REEP5: variants seen among roughly 807,000 people sequenced by gnomAD.
The protein encoded by REEP5 is receptor expression-enhancing protein 5.
Under a neutral mutation model 22.4 loss-of-function variants are expected in REEP5, and 24 were observed. The ratio of observed to expected loss-of-function variants is 1.07; its 90% confidence interval spans 0.78 to 1.51. REEP5 has a LOEUF of 1.51. Among genes scored for constraint, REEP5 ranks in the 40% most tolerant of loss-of-function variants. REEP5 has a pLI of 0.00. For synonymous variants in REEP5, 103 were observed against 88.6 expected, an observed-to-expected ratio of 1.16 and a Z score of -0.92; for missense variants, 252 against 233.0, an observed-to-expected ratio of 1.08 and a Z score of -0.53.
chr5:112,878,961 A>G (rs1422871910), intron 4 of REEP5, 126 bp from the exon 5 acceptor site: 4 of 1,453,458 alleles, frequency 2.8e-6, no homozygotes, highest in Middle Eastern at 1.8e-4. Context: ...TTCAGGTGCG[A>G]TCATGTTGGG....
At chr5:112,910,208 C>T (rs1348833776) in intron 2 of REEP5, among the ~76,000 whole-genome samples, 1 of 152,148 alleles carries the variant, frequency 6.6e-6, no homozygotes, top group African/African-American at 2.4e-5. Flanking sequence ...GAGGCTGAAG[C>T]AGGAGAATTA....
chr5:112,910,529 T>C (rs1769075853), intron 2 of REEP5, among the ~76,000 whole-genome samples: 1 of 152,228 alleles, frequency 6.6e-6, no homozygotes, highest in Non-Finnish European at 1.5e-5. Context: ...TTTTTAAAAC[T>C]ATTTTATTAC....
chr5:112,891,917 TAAA>T (rs1394112798), intron 3 of REEP5: 1 of 1,301,776 alleles, frequency 7.7e-7, no homozygotes, highest in Admixed American at 1.7e-5. Context: ...GAATTCAGAA[TAAA>T]GAAGGAAAAG....
chr5:112,918,534 T>C (rs1769280621), intron 2 of REEP5, among the ~76,000 whole-genome samples: 1 of 152,146 alleles, frequency 6.6e-6, no homozygotes, highest in Non-Finnish European at 1.5e-5. Context: ...AGAGAAAGGC[T>C]GAAAGGTGAG....
In REEP5 at chr5:112,877,260, T is replaced by C. The variant is rs886275163; in HGVS notation, c.*1526A>G. On this transcript the variant is annotated 3_prime_UTR_variant, in exon 5 of 5. Coordinates refer to ENST00000379638, the MANE Select transcript of REEP5 (RefSeq NM_005669.5). The stretch of plus-strand genomic sequence containing the variant: ...TTTTTTACATCATGAGACATTGTTA[T>C]GATCTTACCTGATTGTTATCTCAAG... The C allele has an allele frequency of 6.6e-6, 1 of 152,232 alleles. No individual in the cohort carries two copies. Among genetic ancestry groups the C allele is most frequent in the African/African-American group, 2.4e-5 (1 of 41,468 alleles). The allele number at this position is 152,232 out of a possible 1,614,324, so 9.4% of individuals were successfully genotyped here.
chr5:112,900,186 A>G (rs986064627), intron 3 of REEP5, among the ~76,000 whole-genome samples: 2 of 151,614 alleles, frequency 1.3e-5, no homozygotes, highest in Admixed American at 6.6e-5. Flanking sequence ...ACCTTTTCCC[A>G]TTTTCTTTTT....
At chr5:112,882,764 C>T (rs1282918451) in intron 4 of REEP5, among the ~76,000 whole-genome samples, 1 of 152,114 alleles carries the variant, frequency 6.6e-6, no homozygotes, top group African/African-American at 2.4e-5. Flanking sequence ...GTTATCTGGC[C>T]CTTTACAGAA....
intron 3 of REEP5, among the ~76,000 whole-genome samples, chr5:112,900,731 C>T (rs563694312): frequency 2.0e-5 from 3 of 152,112 alleles, no homozygotes; most frequent in Non-Finnish European, 2.9e-5. Flanking sequence ...CTTACTAGTA[C>T]TAGCATGGAC....
At chr5:112,915,457 T>C (rs1044332726) in intron 2 of REEP5, among the ~76,000 whole-genome samples, 1 of 152,252 alleles carries the variant, frequency 6.6e-6, no homozygotes, top group Admixed American at 6.5e-5. Flanking sequence ...TTATTACTTT[T>C]TCATTTCTCC....
chr5:112,911,596 T>TA (rs1376763926), intron 2 of REEP5, among the ~76,000 whole-genome samples: 2 of 152,376 alleles, frequency 1.3e-5, no homozygotes, highest in Non-Finnish European at 2.9e-5. Flanking sequence ...ATTTTGTTCT[T>TA]ACCATGCAAA....
chr5:112,921,277 A>G, intron 1 of REEP5, 21 bp from the exon 2 acceptor site: 2 of 1,612,470 alleles, frequency 1.2e-6, no homozygotes, highest in Non-Finnish European at 1.7e-6. Context: ...CAAGGAGAGA[A>G]GTGGGTCGGG....
In REEP5 at chr5:112,878,428, G is replaced by A. The variant is rs1007592022; in HGVS notation, c.*358C>T. On this transcript the variant is annotated 3_prime_UTR_variant, in exon 5 of 5. Transcript: ENST00000379638. Reference sequence around the variant, plus strand: ...TAGAACCATAAAGATTATCCTAAATGTAACTACAGAGAAAATGCGTGCAGG... The same window carrying A: ...TAGAACCATAAAGATTATCCTAAATATAACTACAGAGAAAATGCGTGCAGG... 4.5e-6 allele frequency: 1 copy of A among 220,028 alleles called. No individual in the cohort carries two copies. The highest frequency in any genetic ancestry group is 9.0e-6 in the Non-Finnish European group (1 of 111,654). 13.6% of individuals were successfully genotyped at this position (220,028 alleles called of 1,614,324 possible).
chr5:112,891,946 A>C lies in REEP5; in HGVS notation c.352-4763T>G, dbSNP rs757102297. ...GAAGGAAAAGGAAGAGGCGGCTAAAAAATGGCTAGAAGAACAAGAGAGAAA... is the reference window on the plus strand; with the variant it reads ...GAAGGAAAAGGAAGAGGCGGCTAAACAATGGCTAGAAGAACAAGAGAGAAA... On this transcript the variant is annotated intron_variant, in intron 3 of 4. Transcript: ENST00000379638. 19 of 1,252,244 alleles carry C rather than the reference A, an allele frequency of 1.5e-5. No homozygotes were observed. In the African/African-American group the frequency reaches 2.3e-4, roughly 15 times the overall value. 77.6% of individuals were successfully genotyped at this position (1,252,244 alleles called of 1,614,324 possible).
At chr5:112,879,289 G>C (rs1743865113) in intron 4 of REEP5, among the ~76,000 whole-genome samples, 1 of 117,954 alleles carries the variant, frequency 8.5e-6, no homozygotes, top group African/African-American at 3.3e-5. Flanking sequence ...CTCATTCCCA[G>C]CACTAGAAAT....
chr5:112,916,306 T>C (rs549631352), intron 2 of REEP5, among the ~76,000 whole-genome samples: 2 of 152,326 alleles, frequency 1.3e-5, no homozygotes, highest in Non-Finnish European at 2.9e-5. Context: ...CTGACCTCGA[T>C]AGGGGTCATC....
At chr5:112,902,959 G>A (rs553368324) in intron 2 of REEP5, among the ~76,000 whole-genome samples, 1 of 152,158 alleles carries the variant, frequency 6.6e-6, no homozygotes, top group Non-Finnish European at 1.5e-5. Flanking sequence ...TTCCCATAAA[G>A]CAACATTTGG....
At chr5:112,896,044 T>A (rs1382407337) in intron 3 of REEP5, 1 of 152,596 alleles carries the variant, frequency 6.6e-6, no homozygotes, top group Non-Finnish European at 1.5e-5. Flanking sequence ...AAGAGATATT[T>A]CCCAGGTAGG....
chr5:112,895,969 A>AATTACAACAGGCCATTCT (rs1768667621), intron 3 of REEP5: 1 of 152,240 alleles, frequency 6.6e-6, no homozygotes, highest in Non-Finnish European at 1.5e-5. Flanking sequence ...TTAAATTACG[A>AATTACAACAGGCCATTCT]ATTACAACAG....
chr5:112,885,197 G>A lies in REEP5; in HGVS notation c.520+1818C>T, dbSNP rs189427390. On this transcript the variant is annotated intron_variant, in intron 4 of 4. Transcript: ENST00000379638. The stretch of plus-strand genomic sequence containing the variant: ...CCCAGAGAGGAGCCAGCCAGGAGAT[G>A]GTGAGTGCTGTGGGGGTGGGGAGCC... The A allele has an allele frequency of 4.6e-5, 8 of 172,824 alleles. No homozygotes were observed. The East Asian group carries it at 7.4e-4, about 16-fold the overall frequency. 10.7% of individuals were successfully genotyped at this position (172,824 alleles called of 1,614,324 possible).
Sources: allele counts gnomAD v4.1 joint callset (sites outside exome capture counted in the v4.1 genomes callset), GRCh38; gene constraint gnomAD v4.1.1; transcripts MANE v1.5; gene names NCBI Gene and HGNC (gene_info 2026-07-23, HGNC 2026-07-21).